The following DYTN variants were observed in gnomAD, a reference collection of about 807,000 sequenced individuals.
DYTN encodes dystrotelin.
In DYTN, 75 loss-of-function variants were observed where a neutral mutation model predicts 69.6. The observed-to-expected ratio is 1.08, with a 90% CI of 0.89 to 1.31. The LOEUF is 1.31. DYTN is among the 50% of genes most tolerant of loss of function. DYTN has a pLI of 0.00. For synonymous variants in DYTN, 252 were observed against 249.1 expected (o/e 1.01, Z -0.11); for missense variants, 726 against 688.4 (o/e 1.05, Z -0.61).
intron 7 of DYTN, 38 bp downstream of exon 7, chr2:206,699,689 G>C (rs1699955492): frequency 1.9e-6 from 3 of 1,595,760 alleles, no homozygotes; most frequent in African/African-American, 1.3e-5. Flanking sequence ...GAACCATATG[G>C]AGAATGATAA....
At chr2:206,701,152 T>G (rs1699972428) in intron 5 of DYTN, 1 of 152,236 alleles carries the variant, frequency 6.6e-6, no homozygotes, top group Non-Finnish European at 1.5e-5. Context: ...GACTAAACAA[T>G]CTACTGAGAT....
At chr2:206,665,790 G>C (rs918596967) in intron 10 of DYTN, 80 bp downstream of exon 10, 2 of 1,522,098 alleles carry the variant, frequency 1.3e-6, no homozygotes, top group African/African-American at 2.8e-5. Context: ...AAGTAAGGTG[G>C]GAAGCTCCTC....
chr2:206,692,381 G>A (rs1367551510), intron 9 of DYTN, among the ~76,000 whole-genome samples: 1 of 152,090 alleles, frequency 6.6e-6, no homozygotes. Context: ...TCTTTAGGTT[G>A]GTGATCAGGT....
intron 10 of DYTN, among the ~76,000 whole-genome samples, chr2:206,664,201 C>T (rs1699543243): frequency 1.3e-5 from 2 of 152,142 alleles, no homozygotes; most frequent in South Asian, 4.2e-4. Flanking sequence ...GCATAAGACA[C>T]TTCTGATGTG....
intron 11 of DYTN, among the ~76,000 whole-genome samples, chr2:206,655,653 G>A (rs993127205): frequency 6.6e-6 from 1 of 150,828 alleles, no homozygotes; most frequent in Admixed American, 6.6e-5. Flanking sequence ...CAAACTCTTG[G>A]CCTCAATTGG....
chr2:206,651,702 T>C lies in DYTN; in HGVS notation c.*116A>G, dbSNP rs1472364342. ...GGAGATCAAAAAACAAAACCTGTTT[T>C]CTTCATAGTTCACACTAAACTATTA... On this transcript the variant is annotated 3_prime_UTR_variant, in exon 12 of 12. Coordinates refer to ENST00000452335, the MANE Select transcript of DYTN (RefSeq NM_001093730.1). 1.3e-5 allele frequency: 12 copies of C among 934,710 alleles called. No individual in the cohort carries two copies. The South Asian group carries it at 1.6e-4, about 12-fold the overall frequency. The allele number at this position is 934,710 out of a possible 1,614,324, so 57.9% of individuals were successfully genotyped here.
intron 7 of DYTN, among the ~76,000 whole-genome samples, chr2:206,695,897 A>G (rs1274122770): frequency 1.3e-5 from 2 of 152,156 alleles, no homozygotes; most frequent in Admixed American, 1.3e-4. Context: ...CACGTATACC[A>G]CTTGCCTTGC....
At chr2:206,668,419 C>A (rs952062464) in intron 9 of DYTN, among the ~76,000 whole-genome samples, 2 of 152,206 alleles carry the variant, frequency 1.3e-5, no homozygotes, top group Non-Finnish European at 2.9e-5. Context: ...CTAGTAAATA[C>A]AAATCACCTG....
intron 9 of DYTN, among the ~76,000 whole-genome samples, chr2:206,676,194 A>G (rs1337683913): frequency 6.6e-6 from 1 of 152,230 alleles, no homozygotes; most frequent in Non-Finnish European, 1.5e-5. Context: ...CCCATCAATG[A>G]TAGACTGGAT....
intron 10 of DYTN, among the ~76,000 whole-genome samples, chr2:206,665,656 T>C (rs533179246): frequency 8.5e-5 from 13 of 152,332 alleles, no homozygotes; most frequent in South Asian, 8.3e-4. Flanking sequence ...GTCTATTGTT[T>C]GTAAATATTA....
intron 9 of DYTN, among the ~76,000 whole-genome samples, chr2:206,680,992 G>T (rs1174900574): frequency 6.6e-6 from 1 of 152,072 alleles, no homozygotes; most frequent in African/African-American, 2.4e-5. Flanking sequence ...TCACGATATT[G>T]GTTCTTCTAT....
chr2:206,666,037 G>C lies in DYTN; in HGVS notation c.981-8C>G, dbSNP rs1699567943. 1.9e-6 allele frequency: 3 copies of C among 1,613,054 alleles called. No homozygotes were observed. Among genetic ancestry groups the C allele is most frequent in the East Asian group, 2.2e-5 (1 of 44,888 alleles). ...AACTGTTTTTTAAGGAGCCTGAAAA[G>C]AGAACAGATTTGAGCGGTTTGGAAG... On this transcript the variant is annotated splice_region_variant and splice_polypyrimidine_tract_variant and intron_variant, in intron 9 of 11. Transcript: ENST00000452335.
chr2:206,708,980 C>G (rs1004666306), intron 2 of DYTN, among the ~76,000 whole-genome samples: 2 of 152,164 alleles, frequency 1.3e-5, no homozygotes, highest in Non-Finnish European at 2.9e-5. Flanking sequence ...CTAACTTTCT[C>G]TAATGGGAGA....
chr2:206,659,506 A>AC (rs990537695), intron 11 of DYTN, among the ~76,000 whole-genome samples: 11 of 142,490 alleles, frequency 7.7e-5, no homozygotes, highest in Non-Finnish European at 1.7e-4. Context: ...AAAAAAAAAA[A>AC]AAAAACTGGA....
chr2:206,696,217 A>G (rs1450815493), intron 7 of DYTN, among the ~76,000 whole-genome samples: 5 of 152,214 alleles, frequency 3.3e-5, no homozygotes, highest in African/African-American at 9.6e-5. Flanking sequence ...AAGAGAAGGA[A>G]TAAGGTAACG....
intron 7 of DYTN, among the ~76,000 whole-genome samples, chr2:206,697,326 C>T (rs1269691766): frequency 6.6e-6 from 1 of 152,134 alleles, no homozygotes; most frequent in Non-Finnish European, 1.5e-5. Context: ...ATGGCTATCA[C>T]AGAGCAAAAA....
In DYTN at chr2:206,665,854, C is replaced by T; in HGVS notation, c.1140+16G>A. On this transcript the variant is annotated intron_variant, in intron 10 of 11. Coordinates refer to ENST00000452335, the MANE Select transcript of DYTN (RefSeq NM_001093730.1). Reference sequence around the variant, plus strand: ...TCCAGGCAGTCCAGATGGCCAGTGTCCCTCACATTTTATACCTGTAGGTCC... The same window carrying T: ...TCCAGGCAGTCCAGATGGCCAGTGTTCCTCACATTTTATACCTGTAGGTCC... 2 of 1,612,158 alleles carry T rather than the reference C, an allele frequency of 1.2e-6. No individual in the cohort carries two copies. Among genetic ancestry groups the T allele is most frequent in the South Asian group, 1.1e-5 (1 of 90,680 alleles).
chr2:206,655,556 C>G (rs1179949872), intron 11 of DYTN, among the ~76,000 whole-genome samples: 2 of 151,668 alleles, frequency 1.3e-5, no homozygotes, highest in African/African-American at 4.8e-5. Context: ...ACTGCAGGCA[C>G]GTACCAACAC....
Position 206,710,611 on chromosome 2 carries a change from C to A in DYTN, c.20-13G>T. 6.4e-7 allele frequency: 1 copy of A among 1,572,196 alleles called. No individual in the cohort carries two copies. The highest frequency in any genetic ancestry group is 8.7e-7 in the Non-Finnish European group (1 of 1,152,516). ...CTATTAAGAGCATCTGTAAAGAAAACGTAAAATATTATGAATAAAGTCTCT... is the reference window on the plus strand; with the variant it reads ...CTATTAAGAGCATCTGTAAAGAAAAAGTAAAATATTATGAATAAAGTCTCT... On this transcript the variant is annotated splice_polypyrimidine_tract_variant and intron_variant, in intron 1 of 11. Coordinates refer to ENST00000452335, the MANE Select transcript of DYTN (RefSeq NM_001093730.1).
Sources: allele counts gnomAD v4.1 joint callset (sites outside exome capture counted in the v4.1 genomes callset), GRCh38; gene constraint gnomAD v4.1.1; transcripts MANE v1.5; gene names NCBI Gene and HGNC (gene_info 2026-07-23, HGNC 2026-07-21).